Variants in HTR1F observed in about 807,000 individuals in gnomAD.
HTR1F encodes the protein 5-hydroxytryptamine receptor 1F.
A neutral mutation model predicts 24.0 loss-of-function variants in HTR1F; 17 were observed. The ratio of observed to expected loss-of-function variants is 0.71; its 90% CI spans 0.48 to 1.06. The LOEUF (loss-of-function observed/expected upper bound fraction) is 1.06. Among genes scored for constraint, HTR1F ranks in the 50% least tolerant of loss-of-function variants. The probability of loss-of-function intolerance (pLI) is 0.00; values close to 1 mark genes in which losing one functional copy is unlikely to be tolerated. For synonymous variants in HTR1F, 186 were observed against 156.8 expected, an observed-to-expected ratio of 1.19 and a Z score of -1.39; for missense variants, 391 against 427.8, an observed-to-expected ratio of 0.91 and a Z score of 0.76.
intron 2 of HTR1F, among the ~76,000 whole-genome samples, chr3:87,878,955 A>G (rs1705728231): frequency 1.3e-5 from 2 of 152,184 alleles, no homozygotes; most frequent in Admixed American, 1.3e-4. Flanking sequence ...TTATGTAATT[A>G]ACACCTAAAT....
chr3:87,830,490 C>T (rs1444584468), intron 2 of HTR1F, among the ~76,000 whole-genome samples: 1 of 152,070 alleles, frequency 6.6e-6, no homozygotes, highest in Non-Finnish European at 1.5e-5. Context: ...AATGATATAA[C>T]TTCATTATTC....
intron 2 of HTR1F, among the ~76,000 whole-genome samples, chr3:87,958,365 G>A (rs1386709394): frequency 6.6e-6 from 1 of 151,434 alleles, no homozygotes; most frequent in Non-Finnish European, 1.5e-5. Flanking sequence ...GCTTAGAGAA[G>A]AGTTTTTTAA....
chr3:87,887,009 C>T (rs571033945), intron 2 of HTR1F, among the ~76,000 whole-genome samples: 9 of 150,198 alleles, frequency 6.0e-5, no homozygotes, highest in Non-Finnish European at 1.0e-4. Flanking sequence ...AAAGAGCCCA[C>T]ATTGCCAAGA....
intron 2 of HTR1F, among the ~76,000 whole-genome samples, chr3:87,917,756 C>G (rs1373793513): frequency 6.6e-6 from 1 of 151,594 alleles, no homozygotes; most frequent in Non-Finnish European, 1.5e-5. Flanking sequence ...ATGTCCAGGA[C>G]CAGATGGATT....
intron 2 of HTR1F, among the ~76,000 whole-genome samples, chr3:87,926,188 A>G (rs765404904): frequency 1.2e-4 from 19 of 152,332 alleles, no homozygotes; most frequent in Admixed American, 5.9e-4. Context: ...GCTTGTATTA[A>G]TAAGTCTTCT....
At chr3:87,846,445 A>AAAT (rs1559603502) in intron 2 of HTR1F, among the ~76,000 whole-genome samples, 1 of 151,876 alleles carries the variant, frequency 6.6e-6, no homozygotes, top group African/African-American at 2.4e-5. Flanking sequence ...TCAAAAAAAA[A>AAAT]ATATATTATG....
At chr3:87,926,359 T>G (rs1458345854) in intron 2 of HTR1F, among the ~76,000 whole-genome samples, 1 of 152,202 alleles carries the variant, frequency 6.6e-6, no homozygotes, top group Non-Finnish European at 1.5e-5. Flanking sequence ...TCTTTATTAT[T>G]TCACACTTGT....
At chr3:87,838,952 T>C (rs923943777) in intron 2 of HTR1F, among the ~76,000 whole-genome samples, 1 of 151,820 alleles carries the variant, frequency 6.6e-6, no homozygotes, top group African/African-American at 2.4e-5. Flanking sequence ...GCAAATATTT[T>C]CTCCCAATCC....
intron 2 of HTR1F, among the ~76,000 whole-genome samples, chr3:87,888,316 T>C (rs1706003600): frequency 6.6e-6 from 1 of 152,008 alleles, no homozygotes; most frequent in Non-Finnish European, 1.5e-5. Context: ...CCGGGGCCTG[T>C]TGTAGGGTGG....
chr3:87,812,369 G>A (rs1166519845), intron 1 of HTR1F, among the ~76,000 whole-genome samples: 1 of 152,128 alleles, frequency 6.6e-6, no homozygotes, highest in Non-Finnish European at 1.5e-5. Context: ...GGAACTTCTT[G>A]GGAAGTGGAG....
At chr3:87,823,894 A>G (rs1309734513) in intron 2 of HTR1F, among the ~76,000 whole-genome samples, 2 of 152,010 alleles carry the variant, frequency 1.3e-5, no homozygotes, top group African/African-American at 4.8e-5. Flanking sequence ...CCCTGTCTCT[A>G]CTAAAAATAC....
chr3:87,808,102 GT>G (rs1704102047), intron 1 of HTR1F, among the ~76,000 whole-genome samples: 2 of 151,888 alleles, frequency 1.3e-5, no homozygotes, highest in African/African-American at 4.8e-5. Context: ...CCCTTGTCTG[GT>G]TTTGGTATCA....
At chr3:87,822,215 T>C (rs1288958995) in intron 2 of HTR1F, among the ~76,000 whole-genome samples, 91 bp downstream of exon 2, 1 of 151,678 alleles carries the variant, frequency 6.6e-6, no homozygotes, top group Non-Finnish European at 1.5e-5. Context: ...TAATGCAAAA[T>C]GGACACTGGA....
intron 2 of HTR1F, among the ~76,000 whole-genome samples, chr3:87,977,767 C>T (rs1033420757): frequency 1.4e-5 from 2 of 144,608 alleles, no homozygotes; most frequent in Admixed American, 6.9e-5. Context: ...AGCTCACACA[C>T]ACTATTATGT....
At chr3:87,978,202 G>A (rs1705440932) in intron 2 of HTR1F, among the ~76,000 whole-genome samples, 1 of 152,128 alleles carries the variant, frequency 6.6e-6, no homozygotes, top group Non-Finnish European at 1.5e-5. Flanking sequence ...CACTCAGAAG[G>A]TTGAAGACTC....
At chr3:87,947,805 A>G (rs1389194579) in intron 2 of HTR1F, among the ~76,000 whole-genome samples, 1 of 152,178 alleles carries the variant, frequency 6.6e-6, no homozygotes, top group Non-Finnish European at 1.5e-5. Flanking sequence ...TTATATAACT[A>G]TTATGTTTAT....
intron 2 of HTR1F, among the ~76,000 whole-genome samples, chr3:87,972,563 T>A (rs573235184): frequency 6.6e-6 from 1 of 152,228 alleles, no homozygotes; most frequent in Non-Finnish European, 1.5e-5. Flanking sequence ...ATGTGGGCTA[T>A]CTCATGATAC....
intron 2 of HTR1F, among the ~76,000 whole-genome samples, chr3:87,930,394 C>G (rs1704232871): frequency 6.6e-6 from 1 of 152,132 alleles, no homozygotes. Flanking sequence ...AGCTTTTGCC[C>G]ATTTGGTAAG....
intron 2 of HTR1F, among the ~76,000 whole-genome samples, chr3:87,885,530 T>C (rs1227442679): frequency 1.3e-5 from 2 of 152,094 alleles, no homozygotes; most frequent in Non-Finnish European, 1.5e-5. Context: ...CAAAAAACCC[T>C]TCAAAAAATC....
Sources: allele counts gnomAD v4.1 joint callset (sites outside exome capture counted in the v4.1 genomes callset), GRCh38; gene constraint gnomAD v4.1.1; transcripts MANE v1.5; gene names NCBI Gene and HGNC (gene_info 2026-07-23, HGNC 2026-07-21).